DGKI: variants seen among roughly 807,000 people sequenced by gnomAD.
DGKI encodes the protein DAG kinase iota.
Under a neutral mutation model 147.5 loss-of-function variants are expected in DGKI, and 55 were observed. The ratio of observed to expected loss-of-function variants is 0.37; its 90% confidence interval spans 0.30 to 0.47. DGKI has a LOEUF of 0.47. Among genes scored for constraint, DGKI ranks in the 20% least tolerant of loss-of-function variants. The pLI is 1.00. For synonymous variants in DGKI, 469 were observed against 477.1 expected (o/e 0.98, Z 0.22); for missense variants, 1,007 against 1,323.8 (o/e 0.76, Z 3.71).
At chr7:137,430,945 C>T (rs1258895727) in intron 28 of DGKI, among the ~76,000 whole-genome samples, 1 of 152,118 alleles carries the variant, frequency 6.6e-6, no homozygotes, top group African/African-American at 2.4e-5. Flanking sequence ...CCCGAACTCC[C>T]ACCCCTATAA....
chr7:137,842,303 A>G (rs1315096405), intron 1 of DGKI, among the ~76,000 whole-genome samples: 1 of 152,186 alleles, frequency 6.6e-6, no homozygotes, highest in African/African-American at 2.4e-5. Context: ...TAATAACACA[A>G]CCTTACTTTG....
At chr7:137,781,325 T>TG (rs1796513790) in intron 1 of DGKI, among the ~76,000 whole-genome samples, 1 of 152,072 alleles carries the variant, frequency 6.6e-6, no homozygotes, top group Non-Finnish European at 1.5e-5. Context: ...CCCTTAGCAA[T>TG]GGGGGGAGGG....
chr7:137,504,267 T>A (rs530869734), intron 21 of DGKI, among the ~76,000 whole-genome samples: 2 of 152,332 alleles, frequency 1.3e-5, no homozygotes, highest in South Asian at 4.1e-4. Context: ...GATTTAATTA[T>A]GTGACATTGC....
At chr7:137,551,787 CAGGCTA>C (rs1257752524) in intron 20 of DGKI, among the ~76,000 whole-genome samples, 2 of 152,132 alleles carry the variant, frequency 1.3e-5, no homozygotes, top group African/African-American at 4.8e-5. Flanking sequence ...AAGAGTGGGT[CAGGCTA>C]TGTCTGGACA....
intron 1 of DGKI, among the ~76,000 whole-genome samples, chr7:137,844,168 GC>G (rs1798642166): frequency 6.6e-6 from 1 of 152,166 alleles, no homozygotes; most frequent in Non-Finnish European, 1.5e-5. Context: ...AGCACCAATG[GC>G]CGCCATGACG....
chr7:137,474,707 C>T (rs1441816083), intron 23 of DGKI, among the ~76,000 whole-genome samples: 1 of 152,066 alleles, frequency 6.6e-6, no homozygotes, highest in East Asian at 1.9e-4. Context: ...GTTAAAATAT[C>T]GTAGGGGAGA....
At chr7:137,488,257 TA>T (rs1815639287) in intron 21 of DGKI, among the ~76,000 whole-genome samples, 1 of 151,976 alleles carries the variant, frequency 6.6e-6, no homozygotes, top group Admixed American at 6.6e-5. Context: ...ACTAAAGGCA[TA>T]AAATGTTAGA....
At chr7:137,541,962 G>A (rs891592634) in intron 20 of DGKI, among the ~76,000 whole-genome samples, 3 of 152,060 alleles carry the variant, frequency 2.0e-5, no homozygotes, top group African/African-American at 7.2e-5. Flanking sequence ...TGAAAAGACA[G>A]GATATATACT....
intron 28 of DGKI, among the ~76,000 whole-genome samples, chr7:137,413,428 G>A (rs957510459): frequency 6.6e-6 from 1 of 152,006 alleles, no homozygotes; most frequent in Non-Finnish European, 1.5e-5. Context: ...TTCAGCCTTT[G>A]TCCCCCTCCC....
At chr7:137,425,978 G>A (rs1208568517) in intron 28 of DGKI, among the ~76,000 whole-genome samples, 2 of 152,216 alleles carry the variant, frequency 1.3e-5, no homozygotes, top group Non-Finnish European at 2.9e-5. Flanking sequence ...ACACTCTGCA[G>A]GATATTATCC....
At chr7:137,411,943 T>C (rs1447492790) in intron 29 of DGKI, among the ~76,000 whole-genome samples, 4 of 152,144 alleles carry the variant, frequency 2.6e-5, no homozygotes, top group African/African-American at 9.6e-5. Context: ...ACTGTGCACA[T>C]TGCATCCTGG....
intron 1 of DGKI, among the ~76,000 whole-genome samples, chr7:137,843,941 T>C (rs985978691): frequency 3.3e-5 from 5 of 152,106 alleles, no homozygotes; most frequent in African/African-American, 7.2e-5. Context: ...CCATGCTCCA[T>C]ACCCTAACTC....
chr7:137,420,756 C>T (rs911364630), intron 28 of DGKI, among the ~76,000 whole-genome samples: 11 of 152,154 alleles, frequency 7.2e-5, no homozygotes, highest in Admixed American at 3.3e-4. Flanking sequence ...CTGTGGCCCA[C>T]GCCTGTAATC....
intron 8 of DGKI, among the ~76,000 whole-genome samples, chr7:137,618,151 A>ATATTTTTTTTTT: frequency 9.6e-5 from 1 of 10,450 alleles, no homozygotes; most frequent in African/African-American, 1.3e-4. Flanking sequence ...ATATATATAT[A>ATATTTTTTTTTT]TTTTTTTTTT....
intron 12 of DGKI, among the ~76,000 whole-genome samples, chr7:137,591,141 T>C (rs539603808): frequency 2.6e-4 from 40 of 152,368 alleles, no homozygotes; most frequent in African/African-American, 9.6e-4. Context: ...TCACCATCTC[T>C]TCTCCTTTTA....
At chr7:137,391,364 A>G (rs201024736) in intron 32 of DGKI, 28 bp from the exon 33 acceptor site, 21 of 1,438,680 alleles carry the variant, frequency 1.5e-5, no homozygotes, top group African/African-American at 1.3e-4. Context: ...GAAAAAAAAA[A>G]AGAGAGAGAG....
At chr7:137,505,094 G>A (rs935196443) in intron 21 of DGKI, among the ~76,000 whole-genome samples, 2 of 149,386 alleles carry the variant, frequency 1.3e-5, no homozygotes, top group Non-Finnish European at 3.0e-5. Context: ...CATAGACAAA[G>A]GGGGGGAACA....
chr7:137,408,086 AC>A, intron 29 of DGKI, 91 bp from the exon 30 acceptor site: 1 of 1,484,568 alleles, frequency 6.7e-7, no homozygotes, highest in Non-Finnish European at 9.2e-7. Flanking sequence ...CATGTAGCAG[AC>A]CACAATGTTT....
chr7:137,752,582 T>C (rs1795535021), intron 1 of DGKI, among the ~76,000 whole-genome samples: 1 of 152,200 alleles, frequency 6.6e-6, no homozygotes, highest in African/African-American at 2.4e-5. Flanking sequence ...CGGGTTATGT[T>C]ATCTGTAGAT....
Sources: allele counts gnomAD v4.1 joint callset (sites outside exome capture counted in the v4.1 genomes callset), GRCh38; gene constraint gnomAD v4.1.1; transcripts MANE v1.5; gene names NCBI Gene and HGNC (gene_info 2026-07-23, HGNC 2026-07-21).